TPX2: variants seen among roughly 807,000 people sequenced by gnomAD.
TPX2 encodes the protein TPX2 microtubule nucleation factor, also known as targeting protein for Xklp2.
In TPX2, 21 loss-of-function variants were observed where a neutral mutation model predicts 93.6. The ratio of observed to expected loss-of-function variants is 0.22; its 90% CI spans 0.16 to 0.32. The LOEUF (loss-of-function observed/expected upper bound fraction) is 0.32. TPX2 is among the 10% of genes least tolerant of loss of function. The pLI is 1.00. For missense variants in TPX2, 776 were observed against 871.1 expected (o/e 0.89, Z 1.37); for synonymous variants, 281 against 298.3 (o/e 0.94, Z 0.60).
At chr20:31,772,767 A>G (rs2061971679) in intron 7 of TPX2, among the ~76,000 whole-genome samples, 1 of 152,074 alleles carries the variant, frequency 6.6e-6, no homozygotes, top group Non-Finnish European at 1.5e-5. Flanking sequence ...ATATTTAACT[A>G]TTTTCTGTTG....
chr20:31,767,921 C>A (rs2061938439), intron 5 of TPX2, among the ~76,000 whole-genome samples: 1 of 147,110 alleles, frequency 6.8e-6, no homozygotes, highest in South Asian at 2.1e-4. Context: ...GAAATTTTGC[C>A]TCAAAAATTT....
chr20:31,770,206 T>C (rs576953858), intron 5 of TPX2, 137 bp from the exon 6 acceptor site: 32 of 487,884 alleles, frequency 6.6e-5, no homozygotes, highest in African/African-American at 5.8e-4. Context: ...CAAGAGAGAT[T>C]AGATTTTTAG....
chr20:31,759,795 G>C (rs112133875), intron 3 of TPX2, among the ~76,000 whole-genome samples: 1 of 152,094 alleles, frequency 6.6e-6, no homozygotes, highest in African/African-American at 2.4e-5. Context: ...ACAAAGATAA[G>C]GAGTTATTCA....
At position 31,794,511 on chromosome 20, in the gene TPX2, G is replaced by A; in HGVS notation, c.1796G>A (p.Arg599Lys). The A allele has an allele frequency of 3.7e-6, 6 of 1,614,044 alleles. No homozygotes were observed. In the South Asian group the frequency reaches 6.6e-5, roughly 18 times the overall value. Residue 599 changes from arginine to lysine, a missense_variant, in exon 15 of 18, where the codon AGA becomes AAA. Arg to Lys is a conservative substitution (Grantham distance 26). Coordinates refer to ENST00000300403, the MANE Select transcript of TPX2 (RefSeq NM_012112.5). ...GAACCTTTCTGCTTGGAGACTGACA[G>A]AAGAGGTGCTCTGAAGGCACAGACT... ...QIEPFCLETD[R>K]RGALKAQTWK...
At chr20:31,783,234 ATTC>A (rs1306552690) in intron 11 of TPX2, among the ~76,000 whole-genome samples, 1 of 151,506 alleles carries the variant, frequency 6.6e-6, no homozygotes, top group Non-Finnish European at 1.5e-5. Flanking sequence ...TTCTTCTTTT[ATTC>A]TTTTATTATT....
In TPX2 at chr20:31,782,310, G is replaced by T. The variant is rs1468576209; in HGVS notation, c.1116G>T (p.Leu372=). ...GCAGAGACCCACAGACTCCTGTACT[G>T]CAAACCAAACACCGTGCACGGGCTG... ...KICRDPQTPV[L]QTKHRARAVT... is the part of the protein sequence containing the mutation. Residue 372 remains leucine (L), a synonymous_variant, in exon 11 of 18, where the codon CTG becomes CTT. Transcript: ENST00000300403. 1.2e-6 allele frequency: 2 copies of T among 1,613,898 alleles called. No homozygotes were observed. The highest frequency in any genetic ancestry group is 1.7e-6 in the Non-Finnish European group (2 of 1,179,918).
intron 2 of TPX2, among the ~76,000 whole-genome samples, chr20:31,750,298 C>T (rs1218814327): frequency 6.6e-5 from 10 of 152,026 alleles, no homozygotes; most frequent in African/African-American, 2.4e-4. Flanking sequence ...GCTGGGATTA[C>T]AGGCATGCAC....
rs192320997 is a variant in TPX2, at chr20:31,763,703, T to A, written c.230-2853T>A. On this transcript the variant is annotated intron_variant, in intron 4 of 17. Transcript: ENST00000300403. Reference sequence around the variant, plus strand: ...TGGCCACTTTAATTTAATTTAAATTTAATTTAATTTAAATTTAATTTTTTT... The same window carrying A: ...TGGCCACTTTAATTTAATTTAAATTAAATTTAATTTAAATTTAATTTTTTT... Among the ~76,000 whole-genome samples, 155 of 146,846 alleles carry A rather than the reference T, an allele frequency of 1.1e-3. 2 individuals carry two copies. The highest frequency in any genetic ancestry group is 3.4e-3 in the Middle Eastern group (1 of 292).
chr20:31,793,238 A>G (rs779026846), intron 13 of TPX2, among the ~76,000 whole-genome samples: 23 of 152,240 alleles, frequency 1.5e-4, no homozygotes, highest in Non-Finnish European at 1.2e-4. Flanking sequence ...CCGTTAACCC[A>G]GAGGAGTTGC....
At chr20:31,756,107 T>C (rs1480647678) in intron 2 of TPX2, among the ~76,000 whole-genome samples, 2 of 152,352 alleles carry the variant, frequency 1.3e-5, no homozygotes, top group South Asian at 2.1e-4. Flanking sequence ...TTGACAAAAC[T>C]GTGTTGAACT....
intron 2 of TPX2, among the ~76,000 whole-genome samples, chr20:31,746,281 C>T (rs913029779): frequency 6.6e-6 from 1 of 152,222 alleles, no homozygotes; most frequent in Non-Finnish European, 1.5e-5. Context: ...GTTAAAATTG[C>T]ATGCTGGATT....
Position 31,793,899 on chromosome 20 carries a change from G to C in TPX2, c.1561G>C (p.Val521Leu). The change falls in exon 14 of 18, where the codon GTG (valine) becomes CTG (leucine). Residue 521 changes from valine to leucine, a missense_variant. Coordinates refer to ENST00000300403, the MANE Select transcript of TPX2 (RefSeq NM_012112.5). ...AGCTCAACCTGTGCCACATTATGGG[G>C]TGCCTTTTAAGCCCCAAATCCCAGA... ...IKAQPVPHYG[V>L]PFKPQIPEAR... 2 of 1,613,448 alleles carry C rather than the reference G, an allele frequency of 1.2e-6. No homozygotes were observed. The highest frequency in any genetic ancestry group is 1.7e-6 in the Non-Finnish European group (2 of 1,179,706).
Position 31,760,163 on chromosome 20 carries a change from C to T in TPX2, c.213C>T (p.Val71=). ...LRKANLQQAI[V]TPLKPVDNTY... ...AGGCTAATCTTCAGCAAGCTATTGTCACACCTTTGAAACCAGGTAAGAAAA... is the reference window on the plus strand; with the variant it reads ...AGGCTAATCTTCAGCAAGCTATTGTTACACCTTTGAAACCAGGTAAGAAAA... Residue 71 remains valine, a synonymous_variant, in exon 4 of 18, where the codon GTC becomes GTT. Transcript: ENST00000300403. The T allele has an allele frequency of 6.2e-7, 1 of 1,613,774 alleles. No homozygotes were observed. Among genetic ancestry groups the T allele is most frequent in the South Asian group, 1.1e-5 (1 of 91,040 alleles).
chr20:31,774,647 G>A (rs111456748), intron 7 of TPX2, among the ~76,000 whole-genome samples: 3 of 152,344 alleles, frequency 2.0e-5, no homozygotes, highest in African/African-American at 7.2e-5. Context: ...GATCATTATA[G>A]GCAGCAAATG....
In TPX2 at chr20:31,770,449, C is replaced by G. The variant is rs142491998; in HGVS notation, c.463C>G (p.Leu155Val). ...CATPVIIDEILPSKKMKVSNN... is the reference protein window; with the variant it reads ...CATPVIIDEIVPSKKMKVSNN... ...CACTCCTGTAATCATCGATGAAATT[C>G]TACCCTCTAAGAAAATGAAAGTGTG... Residue 155 changes from leucine (L) to valine (V), a missense_variant, in exon 6 of 18, where the codon CTA becomes GTA. By Grantham distance (32) the Leu-to-Val change is conservative. Around this residue, in one of 3 missense-constraint regions of TPX2, gnomAD observed 279 missense variants for 261.6 expected, o/e 1.07. Coordinates refer to ENST00000300403, the MANE Select transcript of TPX2 (RefSeq NM_012112.5). The G allele has an allele frequency of 5.4e-4, 859 of 1,585,810 alleles. 2 individuals are homozygous for G. Among genetic ancestry groups the G allele is most frequent in the Admixed American group, 5.7e-4 (32 of 55,818 alleles).
chr20:31,792,278 G>A lies in TPX2; in HGVS notation c.1414-457G>A, dbSNP rs183101821. 1.4e-4 allele frequency among the ~76,000 whole-genome samples: 22 copies of A among 152,260 alleles called. No homozygotes were observed. The East Asian group carries it at 3.9e-3, about 27-fold the overall frequency. ...GGAGGCTGAGGTGGGAGGATCACTT[G>A]AGCCCAGGAGGCAGAGGTTACAGTG... On this transcript the variant is annotated intron_variant, in intron 12 of 17. Transcript: ENST00000300403.
At chr20:31,746,383 C>T (rs528939742) in intron 2 of TPX2, among the ~76,000 whole-genome samples, 1 of 152,174 alleles carries the variant, frequency 6.6e-6, no homozygotes, top group African/African-American at 2.4e-5. Flanking sequence ...TAACTCCACT[C>T]TATTTTACTT....
At chr20:31,777,348 CAA>C (rs1269278732) in intron 8 of TPX2, 137 bp from the exon 9 acceptor site, 2 of 957,810 alleles carry the variant, frequency 2.1e-6, no homozygotes, top group Non-Finnish European at 1.5e-6. Flanking sequence ...AGGACTACTT[CAA>C]GTTTTGGGTT....
chr20:31,778,169 T>TA (rs2062013166), intron 9 of TPX2, among the ~76,000 whole-genome samples: 1 of 152,160 alleles, frequency 6.6e-6, no homozygotes, highest in African/African-American at 2.4e-5. Context: ...TCAGTAATAA[T>TA]CGTTAAGTAA....
Sources: gnomAD v4.1 joint callset for allele counts (sites outside exome capture counted in the v4.1 genomes callset) on GRCh38, gnomAD v4.1.1 for gene constraint, gnomAD v4.1.1 regional missense constraint, MANE v1.5 for transcripts, NCBI Gene and HGNC (gene_info 2026-07-23, HGNC 2026-07-21) for gene names.